CADM2: variants seen among roughly 807,000 people sequenced by gnomAD.
CADM2 encodes immunoglobulin superfamily member 4D.
Under a neutral mutation model 49.8 loss-of-function variants are expected in CADM2, and 12 were observed. That is an observed-to-expected ratio of 0.24 (90% CI 0.15 to 0.39). The LOEUF (loss-of-function observed/expected upper bound fraction) is 0.39, where lower values mean the gene tolerates loss of function less well. CADM2 is among the 10% of genes least tolerant of loss of function. CADM2 has a pLI of 1.00. For missense variants in CADM2, 378 were observed against 492.3 expected (o/e 0.77, Z 2.20); for synonymous variants, 214 against 175.4 (o/e 1.22, Z -1.74).
chr3:85,235,527 G>A (rs2042389585), intron 1 of CADM2, among the ~76,000 whole-genome samples: 1 of 152,002 alleles, frequency 6.6e-6, no homozygotes, highest in South Asian at 2.1e-4. Flanking sequence ...AAATTGAAAT[G>A]CTATTAAATG....
At chr3:85,021,976 A>G (rs1474741579) in intron 1 of CADM2, among the ~76,000 whole-genome samples, 1 of 152,172 alleles carries the variant, frequency 6.6e-6, no homozygotes, top group Non-Finnish European at 1.5e-5. Context: ...CTCATAGAGG[A>G]ACTGTTATGT....
chr3:85,067,638 C>T (rs752355226), intron 1 of CADM2, among the ~76,000 whole-genome samples: 3 of 152,026 alleles, frequency 2.0e-5, no homozygotes, highest in African/African-American at 4.8e-5. Flanking sequence ...AGTCTTCTTT[C>T]TTTGTTTTTC....
At chr3:85,946,227 G>T (rs1015214332) in intron 7 of CADM2, among the ~76,000 whole-genome samples, 8 of 151,900 alleles carry the variant, frequency 5.3e-5, no homozygotes, top group Admixed American at 2.0e-4. Flanking sequence ...TACAAGGGAT[G>T]TGAAGGACCT....
intron 1 of CADM2, among the ~76,000 whole-genome samples, chr3:85,185,674 T>C (rs775555100): frequency 6.6e-6 from 1 of 152,154 alleles, no homozygotes; most frequent in Non-Finnish European, 1.5e-5. Context: ...TTATTCTTGA[T>C]TCTGTATGAT....
At chr3:86,013,109 T>C in intron 8 of CADM2, 1 of 1,350,428 alleles carries the variant, frequency 7.4e-7, no homozygotes, top group African/African-American at 1.4e-5. Flanking sequence ...TATTTGATCT[T>C]ACAGTCATTT....
chr3:85,265,773 A>G (rs2043109204), intron 1 of CADM2, among the ~76,000 whole-genome samples: 1 of 152,028 alleles, frequency 6.6e-6, no homozygotes, highest in South Asian at 2.1e-4. Context: ...AAGATTCCAA[A>G]TTATAGTGTA....
chr3:85,213,466 A>G (rs560661630), intron 1 of CADM2, among the ~76,000 whole-genome samples: 9 of 151,688 alleles, frequency 5.9e-5, no homozygotes, highest in African/African-American at 1.7e-4. Context: ...TTTGTATGCT[A>G]TTTCTTTCTT....
rs371940328 is a variant in CADM2, at chr3:85,700,582, C to T, written c.62-25940C>T. 7.9e-5 allele frequency among the ~76,000 whole-genome samples: 12 copies of T among 152,240 alleles called. 1 individual carries two copies. In the East Asian group the frequency reaches 1.7e-3, roughly 22 times the overall value. On this transcript the variant is annotated intron_variant, in intron 1 of 9. Coordinates refer to ENST00000383699, the MANE Select transcript of CADM2 (RefSeq NM_001167675.2). ...AAGCATTCAGGACACATCTTGAAAGCTTTGCTGTTTAAAAATTTATTCTGC... is the reference window on the plus strand; with the variant it reads ...AAGCATTCAGGACACATCTTGAAAGTTTTGCTGTTTAAAAATTTATTCTGC...
At chr3:85,802,706 T>C (rs916934540) in intron 3 of CADM2, among the ~76,000 whole-genome samples, 3 of 152,150 alleles carry the variant, frequency 2.0e-5, no homozygotes, top group Non-Finnish European at 2.9e-5. Flanking sequence ...AGTAAGAAGC[T>C]GTAGTTTTTA....
chr3:84,997,710 A>G (rs1389522479), intron 1 of CADM2, among the ~76,000 whole-genome samples: 1 of 152,034 alleles, frequency 6.6e-6, no homozygotes, highest in Non-Finnish European at 1.5e-5. Flanking sequence ...ATGAATATCA[A>G]AAAAACTCCA....
intron 2 of CADM2, among the ~76,000 whole-genome samples, chr3:85,729,938 T>G (rs1307284910): frequency 1.3e-5 from 2 of 152,224 alleles, no homozygotes; most frequent in African/African-American, 4.8e-5. Context: ...TAGAAACCGA[T>G]ATTCTTATTT....
chr3:85,797,442 T>C (rs2071695970), intron 2 of CADM2, among the ~76,000 whole-genome samples: 1 of 152,112 alleles, frequency 6.6e-6, no homozygotes, highest in South Asian at 2.1e-4. Context: ...TGTGTGATGT[T>C]CCTCTCCTTG....
At chr3:85,180,062 A>G (rs1467640828) in intron 1 of CADM2, among the ~76,000 whole-genome samples, 1 of 152,098 alleles carries the variant, frequency 6.6e-6, no homozygotes. Flanking sequence ...ATTATGTTAT[A>G]TAAAAATCTT....
At chr3:85,206,577 G>A (rs1190043287) in intron 1 of CADM2, among the ~76,000 whole-genome samples, 1 of 151,988 alleles carries the variant, frequency 6.6e-6, no homozygotes, top group East Asian at 1.9e-4. Flanking sequence ...AAAGTGCTGG[G>A]ATTACAGGCG....
In CADM2 at chr3:85,989,489, T is replaced by C. The variant is rs114943815; in HGVS notation, c.970+27842T>C. 8.5e-3 allele frequency among the ~76,000 whole-genome samples: 1,288 copies of C among 152,202 alleles called. 5 individuals are homozygous for C. The highest frequency in any genetic ancestry group is 0.031 in the Middle Eastern group (9 of 294). ...CTTGCCTTTCAATAGGATATTCTGT[T>C]AATTGAATTCATCTGAAAATCAAGG... On this transcript the variant is annotated intron_variant, in intron 8 of 9. Transcript: ENST00000383699.
intron 1 of CADM2, among the ~76,000 whole-genome samples, chr3:85,486,709 T>G (rs2039431641): frequency 7.1e-6 from 1 of 139,932 alleles, no homozygotes; most frequent in East Asian, 2.3e-4. Context: ...CCAATTGGAA[T>G]GTGTATATTT....
In CADM2 at chr3:84,990,502, AT is replaced by A. The variant is rs200098184; in HGVS notation, c.61+30837del. ...ATTAAAAAATAAATTTATAATTTTA[AT>A]TTATTTAGTCCTATAGTATTATCTG... On this transcript the variant is annotated intron_variant, in intron 1 of 9. Transcript: ENST00000383699. 7.9e-4 allele frequency among the ~76,000 whole-genome samples: 120 copies of A among 152,018 alleles called. No individual in the cohort carries two copies. In the East Asian group the frequency reaches 0.017, roughly 22 times the overall value.
At chr3:84,979,083 C>G (rs1160828289) in intron 1 of CADM2, among the ~76,000 whole-genome samples, 1 of 152,082 alleles carries the variant, frequency 6.6e-6, no homozygotes, top group Admixed American at 6.6e-5. Flanking sequence ...TCCAAGGTCC[C>G]TTTTCAACTT....
chr3:85,828,701 A>G (rs867808751), intron 3 of CADM2, among the ~76,000 whole-genome samples: 2 of 151,926 alleles, frequency 1.3e-5, no homozygotes, highest in African/African-American at 4.8e-5. Flanking sequence ...TCTTTCAGCT[A>G]TCTAACTTTT....
Sources: allele counts gnomAD v4.1 joint callset (sites outside exome capture counted in the v4.1 genomes callset), GRCh38; gene constraint gnomAD v4.1.1; transcripts MANE v1.5; gene names NCBI Gene and HGNC (gene_info 2026-07-23, HGNC 2026-07-21).